The following ZNF493 variants were observed in gnomAD, a reference collection of about 807,000 sequenced individuals.
The protein encoded by ZNF493 is zinc finger protein 493.
In ZNF493, 11 loss-of-function variants were observed where a neutral mutation model predicts 12.2. The ratio of observed to expected loss-of-function variants is 0.90; its 90% CI spans 0.57 to 1.50. ZNF493 has a LOEUF of 1.50. Among genes scored for constraint, ZNF493 ranks in the 40% most tolerant of loss-of-function variants. The pLI, the probability that ZNF493 is intolerant of heterozygous loss-of-function variation, is 0.00. For synonymous variants in ZNF493, 286 were observed against 302.6 expected, an observed-to-expected ratio of 0.95 and a Z score of 0.57; for missense variants, 950 against 906.6, an observed-to-expected ratio of 1.05 and a Z score of -0.61.
At chr19:21,408,926 A>G (rs1252456876) in intron 3 of ZNF493, 1 of 642,240 alleles carries the variant, frequency 1.6e-6, no homozygotes, top group Non-Finnish European at 1.9e-6. Flanking sequence ...TCTGTCGCCC[A>G]GGCTGGAGTG....
intron 3 of ZNF493, among the ~76,000 whole-genome samples, chr19:21,406,272 C>T (rs1376764962): frequency 1.3e-5 from 2 of 151,752 alleles, no homozygotes; most frequent in Non-Finnish European, 2.9e-5. Context: ...AATACCATCA[C>T]CAAATCTGTC....
chr19:21,425,611 GT>G lies in ZNF493; in HGVS notation c.*628del. 1 of 756,602 alleles carries G rather than the reference GT, an allele frequency of 1.3e-6. No individual in the cohort carries two copies. 46.9% of individuals were successfully genotyped at this position (756,602 alleles called of 1,614,324 possible). A position where few individuals can be genotyped will look rare whatever the true frequency, so the allele number is the denominator to read the frequency against. On this transcript the variant is annotated 3_prime_UTR_variant, in exon 4 of 4. Transcript: ENST00000392288. Reference sequence around the variant, plus strand: ...TATACTGGAGAGAAGCCCTACAAATGTGAAAAATGTGGCAAACCTTTTAACC... The same window carrying G: ...TATACTGGAGAGAAGCCCTACAAATGGAAAAATGTGGCAAACCTTTTAACC...
At chr19:21,413,660 G>A in intron 3 of ZNF493, 1 of 409,988 alleles carries the variant, frequency 2.4e-6, no homozygotes, top group South Asian at 1.1e-4. Context: ...GTATCTTGAT[G>A]GTATCCAAAT....
rs2030519221 is a variant in ZNF493, at chr19:21,417,110, C to A, written c.254-5803C>A. ...TCATGGCATTTCCCAAAATCAGGTT[C>A]CCATCTTTATCAAACAGAGTGGCAC... On this transcript the variant is annotated intron_variant, in intron 3 of 3. Coordinates refer to ENST00000392288, the MANE Select transcript of ZNF493 (RefSeq NM_001076678.3). Among the ~76,000 whole-genome samples the A allele has an allele frequency of 2.0e-5, 3 of 152,268 alleles. No homozygotes were observed. In the South Asian group the frequency reaches 6.2e-4, roughly 32 times the overall value.
Position 21,425,302 on chromosome 19 carries a change from A to G in ZNF493, c.*318A>G. ...GAAGAATGTGACAAAGCTTTTAACC[A>G]CTTCTCAACCCTGCCTACACGTAAG... On this transcript the variant is annotated 3_prime_UTR_variant, in exon 4 of 4. Transcript: ENST00000392288. 2.2e-6 allele frequency: 1 copy of G among 448,170 alleles called. No homozygotes were observed. The highest frequency in any genetic ancestry group is 4.3e-6 in the Non-Finnish European group (1 of 233,688). 27.8% of individuals were successfully genotyped at this position (448,170 alleles called of 1,614,324 possible).
chr19:21,425,641 C>A lies in ZNF493; in HGVS notation c.*657C>A, dbSNP rs1483799795. The A allele has an allele frequency of 2.5e-6, 2 of 803,386 alleles. No homozygotes were observed. The highest frequency in any genetic ancestry group is 4.0e-6 in the Non-Finnish European group (2 of 498,756). The allele number at this position is 803,386 out of a possible 1,614,324, so 49.8% of individuals were successfully genotyped here. A position where few individuals can be genotyped will look rare whatever the true frequency, so the allele number is the denominator to read the frequency against. Reference sequence around the variant, plus strand: ...AAATGTGGCAAACCTTTTAACCAATCCTCAACCCTTACTACACATTAGATA... The same window carrying A: ...AAATGTGGCAAACCTTTTAACCAATACTCAACCCTTACTACACATTAGATA... On this transcript the variant is annotated 3_prime_UTR_variant, in exon 4 of 4. Coordinates refer to ENST00000392288, the MANE Select transcript of ZNF493 (RefSeq NM_001076678.3).
intron 3 of ZNF493, among the ~76,000 whole-genome samples, chr19:21,408,995 C>T (rs1002599689): frequency 6.6e-6 from 1 of 151,698 alleles, no homozygotes; most frequent in Non-Finnish European, 1.5e-5. Context: ...CGTCATTCTC[C>T]TGCCTCAGCC....
intron 3 of ZNF493, among the ~76,000 whole-genome samples, chr19:21,421,757 T>G (rs1408479477): frequency 6.6e-6 from 1 of 152,234 alleles, no homozygotes; most frequent in Non-Finnish European, 1.5e-5. Flanking sequence ...TGAACAATTG[T>G]CTGAGTTAGA....
Position 21,409,105 on chromosome 19 carries a change from C to T in ZNF493, c.253+3249C>T, listed in dbSNP as rs1405584027. On this transcript the variant is annotated intron_variant, in intron 3 of 3. Coordinates refer to ENST00000392288, the MANE Select transcript of ZNF493 (RefSeq NM_001076678.3). The stretch of plus-strand genomic sequence containing the variant: ...TTCACCATATTAGCCAGGATGGTCT[C>T]GATCTCCTGACCTCGTGATCTGCCT... 3.9e-5 allele frequency among the ~76,000 whole-genome samples: 6 copies of T among 151,928 alleles called. No homozygotes were observed. The South Asian group carries it at 1.2e-3, about 32-fold the overall frequency.
intron 1 of ZNF493, 138 bp downstream of exon 1, chr19:21,397,405 C>A: frequency 9.1e-7 from 1 of 1,104,440 alleles, no homozygotes; most frequent in Non-Finnish European, 1.4e-6. Flanking sequence ...CCCAGCTCGG[C>A]CTCAGTCTCC....
At chr19:21,406,019 G>C (rs1418790015) in intron 3 of ZNF493, among the ~76,000 whole-genome samples, 163 bp downstream of exon 3, 1 of 151,204 alleles carries the variant, frequency 6.6e-6, no homozygotes, top group African/African-American at 2.4e-5. Flanking sequence ...TCAGGAGTTC[G>C]AGACCAGACT....
intron 3 of ZNF493, among the ~76,000 whole-genome samples, chr19:21,420,282 CTTCT>C (rs1393217693): frequency 1.3e-4 from 19 of 151,876 alleles, no homozygotes; most frequent in African/African-American, 4.1e-4. Flanking sequence ...CTCTTTGTGT[CTTCT>C]TTATTTTTAT....
At position 21,424,360 on chromosome 19, in the gene ZNF493, T is replaced by A. The variant is rs571858742; in HGVS notation, c.1701T>A (p.His567Gln). Reference sequence around the variant, plus strand: ...ACCTTACTACACATAAGAGAATTCATACTGGACACAAACCCTACAAATGTA... The same window carrying A: ...ACCTTACTACACATAAGAGAATTCAAACTGGACACAAACCCTACAAATGTA... ...SSHLTTHKRI[H>Q]TGHKPYKCKE... The change falls in exon 4 of 4, where the codon CAT becomes CAA. Residue 567 changes from histidine to glutamine, a missense_variant. By Grantham distance (24) the His-to-Gln change is conservative (BLOSUM62 0). Transcript: ENST00000392288. The A allele has an allele frequency of 6.2e-7, 1 of 1,613,494 alleles. No homozygotes were observed. The highest frequency in any genetic ancestry group is 2.2e-5 in the East Asian group (1 of 44,834).
intron 1 of ZNF493, among the ~76,000 whole-genome samples, chr19:21,403,707 C>T (rs2030023546): frequency 6.6e-6 from 1 of 152,126 alleles, no homozygotes; most frequent in African/African-American, 2.4e-5. Context: ...GTCCACTCTG[C>T]CTCCTGGATT....
At position 21,409,761 on chromosome 19, in the gene ZNF493, T is replaced by C. The variant is rs540004607; in HGVS notation, c.253+3905T>C. On this transcript the variant is annotated intron_variant, in intron 3 of 3. Coordinates refer to ENST00000392288, the MANE Select transcript of ZNF493 (RefSeq NM_001076678.3). ...CCCTGTCTCAAAAAGAAGCTGTATA[T>C]TTCAGGCATGTTAAGTATATTCACA... is the stretch of plus-strand genomic sequence containing the variant. Among the ~76,000 whole-genome samples, 147 of 152,188 alleles carry C rather than the reference T, an allele frequency of 9.7e-4. 1 individual carries two copies. Among genetic ancestry groups the C allele is most frequent in the Non-Finnish European group, 1.8e-3 (125 of 68,008 alleles).
chr19:21,423,963 G>T lies in ZNF493; in HGVS notation c.1304G>T (p.Cys435Phe). 5 of 1,613,524 alleles carry T rather than the reference G, an allele frequency of 3.1e-6. No homozygotes were observed. Among genetic ancestry groups the T allele is most frequent in the Non-Finnish European group, 4.2e-6 (5 of 1,179,812 alleles). The stretch of plus-strand genomic sequence containing the variant: ...CATACTGGAGAGAAACCCTACAAAT[G>T]TGAAGAATGTGGCAAAACCTTTAGT... ...RIHTGEKPYK[C>F]EECGKTFSVF... The change falls in exon 4 of 4, where the codon TGT (cysteine) becomes TTT (phenylalanine). Residue 435 changes from cysteine (C) to phenylalanine (F), a missense_variant. Cys to Phe is a radical substitution (Grantham distance 205). Transcript: ENST00000392288.
intron 1 of ZNF493, 120 bp from the exon 2 acceptor site, chr19:21,405,009 C>A: frequency 6.8e-7 from 1 of 1,474,652 alleles, no homozygotes; most frequent in South Asian, 1.4e-5. Context: ...TAATTTCAGT[C>A]ATTCCTGTAA....
chr19:21,418,549 T>C (rs944605386), intron 3 of ZNF493, among the ~76,000 whole-genome samples: 1 of 152,132 alleles, frequency 6.6e-6, no homozygotes, highest in African/African-American at 2.4e-5. Flanking sequence ...ACCACCTCGG[T>C]CAGGGAGACC....
chr19:21,407,884 GA>G (rs1421717371), intron 3 of ZNF493: 2 of 985,158 alleles, frequency 2.0e-6, no homozygotes. Context: ...GGGCACAATA[GA>G]GTTTACTATT....
Sources: allele counts gnomAD v4.1 joint callset (sites outside exome capture counted in the v4.1 genomes callset), GRCh38; gene constraint gnomAD v4.1.1; transcripts MANE v1.5; gene names NCBI Gene and HGNC (gene_info 2026-07-23, HGNC 2026-07-21).